DYNC2H1: variants seen among roughly 807,000 people sequenced by gnomAD.
DYNC2H1 encodes cytoplasmic dynein 2 heavy chain 1.
In DYNC2H1, 410 loss-of-function variants were observed where a neutral mutation model predicts 570.0. The observed-to-expected ratio is 0.72, with a 90% CI of 0.66 to 0.78. DYNC2H1 has a LOEUF of 0.78. DYNC2H1 is among the 30% of genes least tolerant of loss of function. The pLI is 0.00. For synonymous variants in DYNC2H1, 1,688 were observed against 1,677.6 expected, an observed-to-expected ratio of 1.01 and a Z score of -0.15; for missense variants, 4,865 against 5,046.4, an observed-to-expected ratio of 0.96 and a Z score of 1.09.
At chr11:103,311,514 A>G (rs1867585866) in intron 78 of DYNC2H1, among the ~76,000 whole-genome samples, 1 of 152,122 alleles carries the variant, frequency 6.6e-6, no homozygotes, top group Admixed American at 6.5e-5. Context: ...AAGCTGCTGT[A>G]TTAAACTCAA....
rs1859400980 is a variant in DYNC2H1 at position 103,133,985 on chromosome 11, C to T, written c.2106+278C>T. Among the ~76,000 whole-genome samples the T allele has an allele frequency of 6.6e-6, 1 of 152,020 alleles. No homozygotes were observed. Among genetic ancestry groups the T allele is most frequent in the Non-Finnish European group, 1.5e-5 (1 of 68,000 alleles). On this transcript the variant is annotated intron_variant, in intron 14 of 88. Coordinates refer to ENST00000375735, the MANE Select transcript of DYNC2H1 (RefSeq NM_001377.3). The surrounding 1 kb of genome is among the most constrained non-coding windows in gnomAD (Gnocchi z 4.8). ...GGATACAATCTAGAATCCAACTCTG[C>T]CCTTAGTTGTTGAGTCTCTTTAGCC...
intron 80 of DYNC2H1, among the ~76,000 whole-genome samples, chr11:103,317,057 C>A (rs1937889033): frequency 6.6e-6 from 1 of 152,054 alleles, no homozygotes; most frequent in African/African-American, 2.4e-5. Context: ...TAATCTGACC[C>A]CCTAAGGCCA....
rs1166607376 is a variant in DYNC2H1 at position 103,151,773 on chromosome 11, A to G, written c.2947-363A>G. On this transcript the variant is annotated intron_variant, in intron 20 of 88. Transcript: ENST00000375735. The surrounding 1 kb of genome is among the most constrained non-coding windows in gnomAD (Gnocchi z 4.6). ...GATAATCACTAATTTTAGCTCCTTT[A>G]GAAACCTCTTTAGCATTTTCTTGTG... is the stretch of plus-strand genomic sequence containing the variant. Among the ~76,000 whole-genome samples, 1 of 152,178 alleles carries G rather than the reference A, an allele frequency of 6.6e-6. No homozygotes were observed. The highest frequency in any genetic ancestry group is 1.5e-5 in the Non-Finnish European group (1 of 68,018).
At chr11:103,339,307 G>T (rs1041475081) in intron 82 of DYNC2H1, among the ~76,000 whole-genome samples, 1 of 152,126 alleles carries the variant, frequency 6.6e-6, no homozygotes, top group Admixed American at 6.5e-5. Flanking sequence ...AGCTTCCACC[G>T]GGGGTCACCC....
At chr11:103,169,727 G>A (rs1861491965) in intron 32 of DYNC2H1, among the ~76,000 whole-genome samples, 1 of 152,058 alleles carries the variant, frequency 6.6e-6, no homozygotes, top group Non-Finnish European at 1.5e-5. Flanking sequence ...AAATAGTTCT[G>A]ATTTGTGGAT....
At position 103,255,428 on chromosome 11, in the gene DYNC2H1, C is replaced by T. The variant is rs1261093918; in HGVS notation, c.10220C>T (p.Thr3407Ile). ...TGTTATCCCAAGCTTTTAGCTTTAA[C>T]CATTCAGCATGAGAAACCTGATTTA... ...SGLRGQLLAL[T>I]IQHEKPDLEE... Residue 3407 changes from threonine to isoleucine, a missense_variant, in exon 67 of 89, where the codon ACC becomes ATC. Thr to Ile is a moderately conservative substitution (Grantham distance 89). Transcript: ENST00000375735. 1 of 1,561,258 alleles carries T rather than the reference C, an allele frequency of 6.4e-7. No homozygotes were observed. Among genetic ancestry groups the T allele is most frequent in the South Asian group, 1.2e-5 (1 of 84,032 alleles).
chr11:103,140,428 A>G (rs1859841366), intron 17 of DYNC2H1, among the ~76,000 whole-genome samples: 1 of 151,948 alleles, frequency 6.6e-6, no homozygotes, highest in Non-Finnish European at 1.5e-5. Context: ...ATCTCTCAGC[A>G]TTTGCTTGTC....
At chr11:103,191,650 G>T in intron 46 of DYNC2H1, 31 bp downstream of exon 46, 1 of 1,393,290 alleles carries the variant, frequency 7.2e-7, no homozygotes, top group African/African-American at 1.4e-5. Flanking sequence ...TCTTGTGTGT[G>T]TGTGTGTGTG....
At chr11:103,394,868 G>T (rs934407006) in intron 83 of DYNC2H1, among the ~76,000 whole-genome samples, 2 of 151,978 alleles carry the variant, frequency 1.3e-5, no homozygotes, top group African/African-American at 4.8e-5. Context: ...ACTGGCTTTT[G>T]GTACAGTAAG....
Position 103,369,785 on chromosome 11 carries a change from C to A in DYNC2H1, c.12156+11426C>A, listed in dbSNP as rs1031378929. On this transcript the variant is annotated intron_variant, in intron 83 of 88. Coordinates refer to ENST00000375735, the MANE Select transcript of DYNC2H1 (RefSeq NM_001377.3). This position sits in a 1 kb window ranked among gnomAD's most constrained non-coding sequence, Gnocchi z 4.0. ...GATTCATCACCTGCTAACTGAAGATCCCTTGTGCCCTGCATAACCAGCAGC... is the reference window on the plus strand; with the variant it reads ...GATTCATCACCTGCTAACTGAAGATACCTTGTGCCCTGCATAACCAGCAGC... 2.0e-5 allele frequency among the ~76,000 whole-genome samples: 3 copies of A among 152,188 alleles called. No homozygotes were observed. The highest frequency in any genetic ancestry group is 1.3e-4 in the Admixed American group (2 of 15,276).
chr11:103,308,307 G>A (rs570320960), intron 78 of DYNC2H1, among the ~76,000 whole-genome samples: 1 of 152,074 alleles, frequency 6.6e-6, no homozygotes, highest in East Asian at 1.9e-4. Flanking sequence ...TGTCCTCAAG[G>A]TTCATCCATG....
At chr11:103,383,442 G>A (rs890192961) in intron 83 of DYNC2H1, among the ~76,000 whole-genome samples, 2 of 151,126 alleles carry the variant, frequency 1.3e-5, no homozygotes, top group African/African-American at 4.9e-5. Flanking sequence ...TGATTTGGGT[G>A]GTTAGTTTGG....
intron 17 of DYNC2H1, among the ~76,000 whole-genome samples, chr11:103,138,440 C>T (rs1311316082): frequency 6.6e-6 from 1 of 152,148 alleles, no homozygotes; most frequent in Non-Finnish European, 1.5e-5. Context: ...TGAATTTTGT[C>T]AAAGGCCTTT....
chr11:103,430,091 T>TG (rs2135739021), intron 84 of DYNC2H1, among the ~76,000 whole-genome samples: 1 of 152,266 alleles, frequency 6.6e-6, no homozygotes, highest in Admixed American at 6.5e-5. Context: ...TTTTTACCAG[T>TG]GGGATAGTGA....
chr11:103,411,009 G>A (rs984229044), intron 84 of DYNC2H1, among the ~76,000 whole-genome samples: 2 of 152,072 alleles, frequency 1.3e-5, no homozygotes, highest in African/African-American at 4.8e-5. Flanking sequence ...TTTTCACTGG[G>A]GTGGGGATGC....
At chr11:103,213,655 T>C (rs1863251316) in intron 54 of DYNC2H1, among the ~76,000 whole-genome samples, 1 of 151,970 alleles carries the variant, frequency 6.6e-6, no homozygotes, top group African/African-American at 2.4e-5. Flanking sequence ...TCAGATCCTT[T>C]GCCTGCTTTT....
intron 70 of DYNC2H1, among the ~76,000 whole-genome samples, chr11:103,279,552 C>T (rs1205862746): frequency 6.6e-6 from 1 of 151,784 alleles, no homozygotes; most frequent in Non-Finnish European, 1.5e-5. Context: ...TTCTATCTTC[C>T]CTTCTTTTTT....
At position 103,399,674 on chromosome 11, in the gene DYNC2H1, A is replaced by G. The variant is rs766077510; in HGVS notation, c.12168A>G (p.Leu4056=). Residue 4056 remains leucine, a synonymous_variant, in exon 84 of 89, where the codon CTA becomes CTG. Coordinates refer to ENST00000375735, the MANE Select transcript of DYNC2H1 (RefSeq NM_001377.3). Reference sequence around the variant, plus strand: ...CATTTTTCTTTTAGAATTCAAACCTAATACATCAGAAAGTGCCTCCTCCTA... The same window carrying G: ...CATTTTTCTTTTAGAATTCAAACCTGATACATCAGAAAGTGCCTCCTCCTA... The part of the protein sequence containing the change: ...LWKKLNQNSN[L]IHQKVPPPND... 3 of 1,611,906 alleles carry G rather than the reference A, an allele frequency of 1.9e-6. No individual in the cohort carries two copies. Among genetic ancestry groups the G allele is most frequent in the Admixed American group, 3.3e-5 (2 of 59,884 alleles).
At chr11:103,162,629 G>A (rs1165587662) in intron 29 of DYNC2H1, among the ~76,000 whole-genome samples, 1 of 152,092 alleles carries the variant, frequency 6.6e-6, no homozygotes, top group African/African-American at 2.4e-5. Flanking sequence ...CAGGAACTTA[G>A]CCAGCCATTT....
Sources: gnomAD v4.1 joint callset for allele counts (sites outside exome capture counted in the v4.1 genomes callset) on GRCh38, gnomAD v4.1.1 for gene constraint, Gnocchi (gnomAD v3.1) non-coding constraint, MANE v1.5 for transcripts, NCBI Gene and HGNC (gene_info 2026-07-23, HGNC 2026-07-21) for gene names.